LRRTM3: variants seen among roughly 807,000 people sequenced by gnomAD.
LRRTM3 encodes leucine-rich repeat transmembrane neuronal protein 3.
A neutral mutation model predicts 44.7 loss-of-function variants in LRRTM3; 24 were observed. The ratio of observed to expected loss-of-function variants is 0.54; its 90% CI spans 0.39 to 0.76. The LOEUF is 0.76. Ranked by LOEUF, LRRTM3 falls within the 30% of genes least tolerant of loss-of-function variation. LRRTM3 has a pLI of 0.00. For synonymous variants in LRRTM3, 277 were observed against 278.7 expected, an observed-to-expected ratio of 0.99 and a Z score of 0.06; for missense variants, 587 against 702.2, an observed-to-expected ratio of 0.84 and a Z score of 1.85.
intron 2 of LRRTM3, among the ~76,000 whole-genome samples, chr10:67,016,478 C>A (rs1460658059): frequency 4.6e-5 from 7 of 152,124 alleles, no homozygotes; most frequent in Non-Finnish European, 1.0e-4. Context: ...ACTGCCTGGG[C>A]TGAAAGACAA....
Position 67,036,562 on chromosome 10 carries a change from A to G in LRRTM3, c.1537-61025A>G, listed in dbSNP as rs562407024. On this transcript the variant is annotated intron_variant, in intron 2 of 2. Coordinates refer to ENST00000361320, the MANE Select transcript of LRRTM3 (RefSeq NM_178011.5). ...TTTTAAAAAAATTTTTGGTAGAGAC[A>G]AGGTCTCCATGTTGCCCAGGCTAGT... 3.9e-5 allele frequency among the ~76,000 whole-genome samples: 6 copies of G among 152,106 alleles called. No individual in the cohort carries two copies. In the East Asian group the frequency reaches 1.2e-3, roughly 29 times the overall value.
intron 2 of LRRTM3, among the ~76,000 whole-genome samples, chr10:67,021,106 C>CA (rs1356433487): frequency 2.6e-5 from 4 of 151,936 alleles, no homozygotes. Context: ...ATTACTCTGA[C>CA]AGGAGGAGAT....
chr10:67,062,254 A>T (rs1855801207), intron 2 of LRRTM3, among the ~76,000 whole-genome samples: 1 of 152,160 alleles, frequency 6.6e-6, no homozygotes, highest in Admixed American at 6.6e-5. Context: ...GTGTGATCAA[A>T]AGCCCATATT....
chr10:67,012,883 G>A (rs1395573138), intron 2 of LRRTM3: 1 of 151,834 alleles, frequency 6.6e-6, no homozygotes, highest in Admixed American at 6.6e-5. Context: ...ACAGCTCCAT[G>A]AACATAAAGC....
At position 66,928,388 on chromosome 10, in the gene LRRTM3, G is replaced by T. The variant is rs1329594534; in HGVS notation, c.1472G>T (p.Ser491Ile). Residue 491 changes from serine (S) to isoleucine (I), a missense_variant, in exon 2 of 3, where the codon AGC (serine) becomes ATC (isoleucine). By Grantham distance (142) the Ser-to-Ile change is moderately radical. Coordinates refer to ENST00000361320, the MANE Select transcript of LRRTM3 (RefSeq NM_178011.5). Reference sequence around the variant, plus strand: ...TATAAACCCACCAACACGGAGACCAGCGAGATGCTGCTGAATGGGACGGGA... The same window carrying T: ...TATAAACCCACCAACACGGAGACCATCGAGATGCTGCTGAATGGGACGGGA... ...VDYKPTNTET[S>I]EMLLNGTGPC... 6.2e-7 allele frequency: 1 copy of T among 1,614,152 alleles called. No homozygotes were observed. Among genetic ancestry groups the T allele is most frequent in the Non-Finnish European group, 8.5e-7 (1 of 1,180,026 alleles).
intron 2 of LRRTM3, among the ~76,000 whole-genome samples, chr10:67,055,224 A>G (rs897715109): frequency 7.9e-5 from 12 of 152,312 alleles, no homozygotes; most frequent in South Asian, 4.1e-4. Context: ...CACATGGAAC[A>G]TAAGTTTGTT....
intron 2 of LRRTM3, among the ~76,000 whole-genome samples, chr10:67,005,844 C>G (rs997157452): frequency 6.6e-6 from 1 of 151,376 alleles, no homozygotes; most frequent in South Asian, 2.1e-4. Context: ...TGCCACTATG[C>G]CTGGCTAATT....
rs766106275 is a variant in LRRTM3 at position 66,927,284 on chromosome 10, A to G, written c.368A>G (p.Tyr123Cys). Residue 123 changes from tyrosine (Y) to cysteine (C), a missense_variant, in exon 2 of 3, where the codon TAT (tyrosine) becomes TGT (cysteine). By Grantham distance (194) the Tyr-to-Cys change is radical. Transcript: ENST00000361320. The surrounding 1 kb of genome is among the most constrained non-coding windows in gnomAD (Gnocchi z 4.7). ...ELILSSNRIS[Y>C]FLNNTFRPVT... ...ATTCTTAGTTCCAATAGAATCTCCT[A>G]TTTTCTTAACAATACCTTCAGACCT... is the stretch of plus-strand genomic sequence containing the variant. 7.4e-6 allele frequency: 12 copies of G among 1,613,974 alleles called. No homozygotes were observed. Among genetic ancestry groups the G allele is most frequent in the Admixed American group, 5.0e-5 (3 of 59,994 alleles).
intron 2 of LRRTM3, among the ~76,000 whole-genome samples, chr10:67,047,884 C>G (rs1328692385): frequency 6.6e-6 from 1 of 151,750 alleles, no homozygotes; most frequent in Admixed American, 6.6e-5. Flanking sequence ...AACAAAAAAA[C>G]AAAACAAAAG....
chr10:67,041,809 G>A (rs931665474), intron 2 of LRRTM3, among the ~76,000 whole-genome samples: 3 of 152,044 alleles, frequency 2.0e-5, no homozygotes, highest in African/African-American at 7.2e-5. Context: ...AGGAAAGAAT[G>A]ACAATAAAGT....
intron 2 of LRRTM3, among the ~76,000 whole-genome samples, chr10:67,084,671 A>AT (rs1169820599): frequency 6.6e-6 from 1 of 151,882 alleles, no homozygotes; most frequent in Non-Finnish European, 1.5e-5. Context: ...AACTTTTATA[A>AT]TGGACACTTA....
rs565778568 is a variant in LRRTM3, at chr10:66,951,007, T to C, written c.1536+22555T>C. ...TTCCTCTGAATAGATGGTATGCTTA[T>C]TTAAATACAAGACAAGTCATTTTGC... On this transcript the variant is annotated intron_variant, in intron 2 of 2. Coordinates refer to ENST00000361320, the MANE Select transcript of LRRTM3 (RefSeq NM_178011.5). Among the ~76,000 whole-genome samples the C allele has an allele frequency of 2.1e-3, 324 of 152,298 alleles. 3 individuals are homozygous for C. Among genetic ancestry groups the C allele is most frequent in the African/African-American group, 7.6e-3 (317 of 41,570 alleles).
intron 2 of LRRTM3, among the ~76,000 whole-genome samples, chr10:66,937,278 A>G (rs1303566123): frequency 6.6e-6 from 1 of 152,166 alleles, no homozygotes; most frequent in Non-Finnish European, 1.5e-5. Context: ...AAAACAATGT[A>G]GTTATCATGG....
intron 2 of LRRTM3, among the ~76,000 whole-genome samples, chr10:67,064,949 A>G (rs545276364): frequency 2.0e-5 from 3 of 152,322 alleles, no homozygotes; most frequent in Admixed American, 1.3e-4. Flanking sequence ...AAGAAAATGC[A>G]TGTAACTGCC....
At chr10:67,033,391 C>T (rs926075768) in intron 2 of LRRTM3, among the ~76,000 whole-genome samples, 1 of 152,156 alleles carries the variant, frequency 6.6e-6, no homozygotes, top group Non-Finnish European at 1.5e-5. Context: ...TCTCTCCCAT[C>T]AATTTTTGAG....
intron 2 of LRRTM3, among the ~76,000 whole-genome samples, chr10:66,995,005 A>G (rs1298362466): frequency 6.6e-6 from 1 of 152,150 alleles, no homozygotes; most frequent in African/African-American, 2.4e-5. Context: ...GGTATTTCCC[A>G]GAGTTCATGC....
chr10:66,934,605 A>C (rs1221463788), intron 2 of LRRTM3, among the ~76,000 whole-genome samples: 1 of 152,166 alleles, frequency 6.6e-6, no homozygotes, highest in Non-Finnish European at 1.5e-5. Context: ...CAGTCTTACA[A>C]AGTATTAAAG....
intron 2 of LRRTM3, among the ~76,000 whole-genome samples, chr10:67,027,625 C>A (rs1853474412): frequency 6.6e-6 from 1 of 151,788 alleles, no homozygotes; most frequent in African/African-American, 2.4e-5. Context: ...TTAGTAGAGA[C>A]AGGGTTTCAC....
chr10:67,035,421 G>T (rs1284801823), intron 2 of LRRTM3, among the ~76,000 whole-genome samples: 1 of 152,120 alleles, frequency 6.6e-6, no homozygotes, highest in African/African-American at 2.4e-5. Flanking sequence ...TTAAAGTTAA[G>T]TTCCTTTGAA....
Sources: gnomAD v4.1 joint callset for allele counts (sites outside exome capture counted in the v4.1 genomes callset) on GRCh38, gnomAD v4.1.1 for gene constraint, Gnocchi (gnomAD v3.1) non-coding constraint, MANE v1.5 for transcripts, NCBI Gene and HGNC (gene_info 2026-07-23, HGNC 2026-07-21) for gene names.